Variants in NLGN1 observed in about 807,000 individuals in gnomAD.
The protein encoded by NLGN1 is neuroligin-1.
Under a neutral mutation model 65.5 loss-of-function variants are expected in NLGN1, and 12 were observed. The observed-to-expected ratio is 0.18, with a 90% CI of 0.12 to 0.30. The LOEUF (loss-of-function observed/expected upper bound fraction) is 0.30, where lower values mean the gene tolerates loss of function less well. Among genes scored for constraint, NLGN1 ranks in the 10% least tolerant of loss-of-function variants. The pLI is 1.00. For synonymous variants in NLGN1, 350 were observed against 359.5 expected (o/e 0.97, Z 0.30); for missense variants, 750 against 1,007.1 (o/e 0.74, Z 3.46).
intron 4 of NLGN1, among the ~76,000 whole-genome samples, chr3:173,898,395 G>A (rs933931627): frequency 2.6e-5 from 4 of 152,170 alleles, no homozygotes; most frequent in Non-Finnish European, 4.4e-5. Flanking sequence ...AAGGCAAATC[G>A]TGTGCATCTC....
intron 2 of NLGN1, among the ~76,000 whole-genome samples, chr3:173,539,596 TA>T (rs1312853198): frequency 6.2e-5 from 8 of 129,352 alleles, no homozygotes; most frequent in African/African-American, 2.3e-4. Context: ...ATATGTTATA[TA>T]ATATATGTAT....
chr3:173,894,747 C>G (rs1385936858), intron 4 of NLGN1, among the ~76,000 whole-genome samples: 2 of 150,936 alleles, frequency 1.3e-5, no homozygotes, highest in Non-Finnish European at 2.9e-5. Flanking sequence ...AAGTGATTCT[C>G]CTGTCTAAGC....
intron 4 of NLGN1, among the ~76,000 whole-genome samples, chr3:173,971,012 C>T (rs976043978): frequency 6.6e-5 from 10 of 151,976 alleles, no homozygotes; most frequent in African/African-American, 2.4e-4. Context: ...TGTGAGCTGT[C>T]AGCAATGTTG....
At chr3:173,478,323 G>A (rs927959247) in intron 2 of NLGN1, among the ~76,000 whole-genome samples, 12 of 152,112 alleles carry the variant, frequency 7.9e-5, no homozygotes, top group African/African-American at 2.2e-4. Flanking sequence ...AACACAGCAT[G>A]TTCTCCCTTA....
intron 2 of NLGN1, among the ~76,000 whole-genome samples, chr3:173,464,016 A>C (rs1327816046): frequency 6.6e-6 from 1 of 152,096 alleles, no homozygotes; most frequent in Non-Finnish European, 1.5e-5. Flanking sequence ...AAACCTCTTA[A>C]CATCCTCAAT....
intron 2 of NLGN1, among the ~76,000 whole-genome samples, chr3:173,536,758 C>T (rs573990233): frequency 5.1e-4 from 77 of 152,008 alleles, no homozygotes; most frequent in Non-Finnish European, 6.6e-4. Flanking sequence ...TGTGTGTGCA[C>T]GAGTGTGCGT....
chr3:174,052,975 C>G (rs1048357067), intron 4 of NLGN1, among the ~76,000 whole-genome samples: 1 of 152,070 alleles, frequency 6.6e-6, no homozygotes, highest in East Asian at 1.9e-4. Flanking sequence ...CTAATTGCTA[C>G]CTGTTCCTAT....
At chr3:174,000,725 T>C (rs1723115351) in intron 4 of NLGN1, among the ~76,000 whole-genome samples, 1 of 152,200 alleles carries the variant, frequency 6.6e-6, no homozygotes, top group Admixed American at 6.5e-5. Context: ...ATGGTAAAGA[T>C]GAATTCATGA....
intron 4 of NLGN1, among the ~76,000 whole-genome samples, chr3:174,275,039 T>G (rs1750274887): frequency 6.6e-6 from 1 of 151,794 alleles, no homozygotes; most frequent in South Asian, 2.1e-4. Flanking sequence ...TTCCCTGAGG[T>G]TTTCAGAATG....
At chr3:173,548,903 TAACTC>T (rs576791110) in intron 2 of NLGN1, among the ~76,000 whole-genome samples, 191 of 152,124 alleles carry the variant, frequency 1.3e-3, no homozygotes, top group African/African-American at 4.3e-3. Context: ...CACTAAAAAA[TAACTC>T]AAGTATCTGG....
intron 4 of NLGN1, among the ~76,000 whole-genome samples, chr3:173,922,285 A>G (rs763278797): frequency 6.6e-6 from 1 of 152,100 alleles, no homozygotes; most frequent in Non-Finnish European, 1.5e-5. Context: ...GAATAAGGCT[A>G]ATATAAGTTA....
At chr3:173,705,236 A>T (rs1767877015) in intron 3 of NLGN1, among the ~76,000 whole-genome samples, 1 of 152,180 alleles carries the variant, frequency 6.6e-6, no homozygotes, top group Admixed American at 6.5e-5. Flanking sequence ...TGTTTGAAAA[A>T]AATGTCATAT....
intron 3 of NLGN1, among the ~76,000 whole-genome samples, chr3:173,689,898 G>GTTC (rs930536258): frequency 6.6e-6 from 1 of 152,146 alleles, no homozygotes; most frequent in Non-Finnish European, 1.5e-5. Context: ...TGGAGCCCAT[G>GTTC]TTCTATTCAT....
At chr3:174,276,098 A>G (rs569627974) in intron 5 of NLGN1, among the ~76,000 whole-genome samples, 2 of 152,042 alleles carry the variant, frequency 1.3e-5, no homozygotes, top group South Asian at 4.1e-4. Context: ...TTAAAAAGAA[A>G]AATACATTTG....
At chr3:173,423,378 C>T (rs112794715) in intron 1 of NLGN1, among the ~76,000 whole-genome samples, 10,265 of 152,148 alleles carry the variant, frequency 0.067, 391 homozygotes, top group Middle Eastern at 0.11. Context: ...TAACTCATTC[C>T]GGCATTAACT....
At chr3:173,920,911 T>C (rs1436405215) in intron 4 of NLGN1, 4 of 152,098 alleles carry the variant, frequency 2.6e-5, no homozygotes, top group Middle Eastern at 3.4e-3. Flanking sequence ...ATGTTTAAAA[T>C]GAGAAGCTTA....
chr3:174,100,276 TAA>T (rs11431812), intron 4 of NLGN1, among the ~76,000 whole-genome samples: 3 of 145,898 alleles, frequency 2.1e-5, no homozygotes, highest in Non-Finnish European at 3.0e-5. Flanking sequence ...ATACCTATGG[TAA>T]AAAAAAAAAA....
chr3:173,828,301 T>C (rs373897822), intron 4 of NLGN1, among the ~76,000 whole-genome samples: 157 of 152,256 alleles, frequency 1.0e-3, no homozygotes, highest in African/African-American at 3.7e-3. Flanking sequence ...TAATGTTTTT[T>C]CATGACTTAA....
intron 2 of NLGN1, among the ~76,000 whole-genome samples, chr3:173,598,017 G>T (rs999573966): frequency 1.3e-5 from 2 of 152,052 alleles, no homozygotes; most frequent in Admixed American, 6.6e-5. Context: ...TGTCCTAAAA[G>T]TAGAAATTTC....
Sources: allele counts gnomAD v4.1 joint callset (sites outside exome capture counted in the v4.1 genomes callset), GRCh38; gene constraint gnomAD v4.1.1; transcripts MANE v1.5; gene names NCBI Gene and HGNC (gene_info 2026-07-23, HGNC 2026-07-21).